The following SNX9 variants were observed in gnomAD, a reference collection of about 807,000 sequenced individuals.
SNX9 encodes sorting nexin 9, also known as sorting nexin-9.
Under a neutral mutation model 89.4 loss-of-function variants are expected in SNX9, and 44 were observed. That is an observed-to-expected ratio of 0.49 (90% CI 0.39 to 0.63). SNX9 has a LOEUF of 0.63. SNX9 is among the 30% of genes least tolerant of loss of function. The probability of loss-of-function intolerance (pLI) is 0.00; values close to 1 mark genes in which losing one functional copy is unlikely to be tolerated. For missense variants in SNX9, 578 were observed against 736.1 expected (o/e 0.79, Z 2.49); for synonymous variants, 236 against 247.8 (o/e 0.95, Z 0.45).
At chr6:157,832,451 C>T (rs1450052280) in intron 1 of SNX9, among the ~76,000 whole-genome samples, 2 of 152,204 alleles carry the variant, frequency 1.3e-5, no homozygotes, top group Non-Finnish European at 2.9e-5. Flanking sequence ...GCTCCTGGCA[C>T]AGTTCCTCAA....
chr6:157,840,450 TCCTTC>T (rs1781681893), intron 1 of SNX9, among the ~76,000 whole-genome samples: 1 of 150,178 alleles, frequency 6.7e-6, no homozygotes, highest in Non-Finnish European at 1.5e-5. Context: ...TTCTTTCCTT[TCCTTC>T]CTTCCTTCCT....
chr6:157,853,747 GTTATGCCACAA>G (rs1201782375), intron 1 of SNX9, among the ~76,000 whole-genome samples: 1 of 151,582 alleles, frequency 6.6e-6, no homozygotes, highest in Admixed American at 6.6e-5. Flanking sequence ...AGAGGAAATA[GTTATGCCACAA>G]TTTTTAGTAC....
chr6:157,912,054 C>T (rs963921430), intron 9 of SNX9, among the ~76,000 whole-genome samples: 4 of 152,174 alleles, frequency 2.6e-5, no homozygotes, highest in Admixed American at 6.5e-5. Context: ...CTGCTTCTAA[C>T]CCAGTTCAGA....
intron 1 of SNX9, chr6:157,830,161 G>A (rs537561442): frequency 6.6e-6 from 1 of 152,042 alleles, no homozygotes; most frequent in Non-Finnish European, 1.5e-5. Flanking sequence ...TAATCATATT[G>A]TACTGTGTCT....
chr6:157,825,997 T>G (rs1374262539), intron 1 of SNX9, among the ~76,000 whole-genome samples: 1 of 152,214 alleles, frequency 6.6e-6, no homozygotes, highest in Non-Finnish European at 1.5e-5. Flanking sequence ...ATCTGGATAT[T>G]TTAAGGGATG....
intron 17 of SNX9, 41 bp downstream of exon 17, chr6:157,941,015 G>GA: frequency 6.5e-7 from 1 of 1,534,518 alleles, no homozygotes; most frequent in Non-Finnish European, 9.0e-7. Flanking sequence ...TGCTTGAGGA[G>GA]AGGGTTCCTG....
intron 7 of SNX9, among the ~76,000 whole-genome samples, chr6:157,906,851 G>A (rs1303785448): frequency 6.6e-6 from 1 of 152,212 alleles, no homozygotes; most frequent in Non-Finnish European, 1.5e-5. Flanking sequence ...CTGGAAAAGA[G>A]AACTGTAGCT....
intron 1 of SNX9, among the ~76,000 whole-genome samples, chr6:157,857,542 A>C (rs566719978): frequency 6.6e-6 from 1 of 152,070 alleles, no homozygotes. Flanking sequence ...TCCTTCAGAT[A>C]GTTACTTATT....
At chr6:157,887,069 G>C (rs148025057) in intron 4 of SNX9, among the ~76,000 whole-genome samples, 2 of 152,160 alleles carry the variant, frequency 1.3e-5, no homozygotes, top group East Asian at 3.9e-4. Context: ...ATTATGAGTG[G>C]ATGTCAGACA....
chr6:157,865,566 C>T (rs1156464744), intron 1 of SNX9, among the ~76,000 whole-genome samples: 1 of 152,154 alleles, frequency 6.6e-6, no homozygotes, highest in Non-Finnish European at 1.5e-5. Context: ...GGCTTTCCCA[C>T]CATTTGTTTC....
chr6:157,921,482 C>A, intron 9 of SNX9, 49 bp from the exon 10 acceptor site: 2 of 1,587,556 alleles, frequency 1.3e-6, no homozygotes, highest in South Asian at 2.2e-5. Flanking sequence ...TGGTAACAGT[C>A]ATTCATTTTA....
intron 4 of SNX9, among the ~76,000 whole-genome samples, chr6:157,889,298 G>T (rs1302472485): frequency 6.6e-6 from 1 of 151,930 alleles, no homozygotes; most frequent in East Asian, 1.9e-4. Flanking sequence ...GGGTGTGGTG[G>T]TGCACCCCTG....
rs147991376 is a variant in SNX9 at position 157,898,526 on chromosome 6, TG to T, written c.472+1529del. Among the ~76,000 whole-genome samples, 721 of 152,272 alleles carry T rather than the reference TG, an allele frequency of 4.7e-3. 7 individuals carry two copies. The highest frequency in any genetic ancestry group is 0.017 in the African/African-American group (690 of 41,556). ...GTTTTAAAATCTTGAGCCAGAAACGTGTATGTGGATGGGATGTGGCTCATCC... is the reference window on the plus strand; with the variant it reads ...GTTTTAAAATCTTGAGCCAGAAACGTTATGTGGATGGGATGTGGCTCATCC... On this transcript the variant is annotated intron_variant, in intron 5 of 17. Transcript: ENST00000392185.
chr6:157,855,679 A>G (rs774273828), intron 1 of SNX9, among the ~76,000 whole-genome samples: 31 of 152,148 alleles, frequency 2.0e-4, no homozygotes, highest in Non-Finnish European at 3.5e-4. Context: ...AGCAGGAGCA[A>G]TCTTTAGTCT....
At position 157,827,592 on chromosome 6, in the gene SNX9, A is replaced by T. The variant is rs9347678; in HGVS notation, c.12+4146A>T. On this transcript the variant is annotated intron_variant, in intron 1 of 17. Transcript: ENST00000392185. ...ATAAATATATATTATATTATAGTTTATATATATATGAGATATATAAATATA... is the reference window on the plus strand; with the variant it reads ...ATAAATATATATTATATTATAGTTTTTATATATATGAGATATATAAATATA... Among the ~76,000 whole-genome samples the T allele has an allele frequency of 6.8e-3, 871 of 128,814 alleles. 15 individuals are homozygous for T. The highest frequency in any genetic ancestry group is 0.019 in the Middle Eastern group (5 of 270). 84.5% of individuals were successfully genotyped at this position (128,814 alleles called of 152,430 possible).
At chr6:157,905,632 A>G (rs1783194948) in intron 6 of SNX9, among the ~76,000 whole-genome samples, 1 of 152,084 alleles carries the variant, frequency 6.6e-6, no homozygotes, top group East Asian at 1.9e-4. Flanking sequence ...TCTGAAGGCA[A>G]TTCCAAAAGA....
In SNX9 at chr6:157,929,324, C is replaced by T. The variant is rs540039278; in HGVS notation, c.1288+622C>T. Among the ~76,000 whole-genome samples the T allele has an allele frequency of 3.9e-5, 6 of 152,310 alleles. No individual in the cohort carries two copies. In the South Asian group the frequency reaches 6.2e-4, roughly 16 times the overall value. On this transcript the variant is annotated intron_variant, in intron 12 of 17. Coordinates refer to ENST00000392185, the MANE Select transcript of SNX9 (RefSeq NM_016224.5). The stretch of plus-strand genomic sequence containing the variant: ...GTGGCCCAGGATAGAAAAATAGTCC[C>T]GTATCCAGCTGTAGGGCTAATGCCA...
At chr6:157,828,887 TTTC>T (rs1325055187) in intron 1 of SNX9, among the ~76,000 whole-genome samples, 7 of 152,180 alleles carry the variant, frequency 4.6e-5, no homozygotes, top group African/African-American at 1.7e-4. Flanking sequence ...TTTATATTTG[TTTC>T]TATAACTGAT....
At chr6:157,878,452 C>T (rs1337555541) in intron 4 of SNX9, among the ~76,000 whole-genome samples, 9 of 141,196 alleles carry the variant, frequency 6.4e-5, no homozygotes, top group African/African-American at 1.9e-4. Context: ...TTTTTTGAGA[C>T]GGAGTCTCGC....
Sources: allele counts gnomAD v4.1 joint callset (sites outside exome capture counted in the v4.1 genomes callset), GRCh38; gene constraint gnomAD v4.1.1; transcripts MANE v1.5; gene names NCBI Gene and HGNC (gene_info 2026-07-23, HGNC 2026-07-21).